The following ZNF98 variants were observed in gnomAD, a reference collection of about 807,000 sequenced individuals.
ZNF98 encodes zinc finger protein 98.
Under a neutral mutation model 12.8 loss-of-function variants are expected in ZNF98, and 8 were observed. The observed-to-expected ratio is 0.63, with a 90% CI of 0.37 to 1.13. The LOEUF (loss-of-function observed/expected upper bound fraction) is 1.13, where lower values mean the gene tolerates loss of function less well. Ranked by LOEUF, ZNF98 falls within the 50% of genes most tolerant of loss-of-function variation. The probability of loss-of-function intolerance (pLI) is 0.01; values close to 1 mark genes in which losing one functional copy is unlikely to be tolerated. For synonymous variants in ZNF98, 112 were observed against 223.5 expected (o/e 0.50, Z 4.45); for missense variants, 379 against 666.1 (o/e 0.57, Z 4.74).
chr19:22,400,431 C>T (rs1459978356), intron 3 of ZNF98, among the ~76,000 whole-genome samples: 1 of 151,948 alleles, frequency 6.6e-6, no homozygotes, highest in Non-Finnish European at 1.5e-5. Flanking sequence ...TCTGCCCTAG[C>T]GTCTGCCCTA....
At chr19:22,411,938 G>A (rs1330875801) in intron 1 of ZNF98, among the ~76,000 whole-genome samples, 1 of 149,676 alleles carries the variant, frequency 6.7e-6, no homozygotes, top group Non-Finnish European at 1.5e-5. Flanking sequence ...AGTTGTTAGA[G>A]ACCGATGAAG....
At chr19:22,394,951 C>G (rs940023426) in intron 3 of ZNF98, among the ~76,000 whole-genome samples, 2 of 151,940 alleles carry the variant, frequency 1.3e-5, no homozygotes, top group African/African-American at 4.8e-5. Flanking sequence ...GTGGGAGGAT[C>G]AACTGAGGTC....
At chr19:22,399,631 A>C (rs1488392066) in intron 3 of ZNF98, among the ~76,000 whole-genome samples, 1 of 152,148 alleles carries the variant, frequency 6.6e-6, no homozygotes, top group East Asian at 1.9e-4. Flanking sequence ...TAATTATCTA[A>C]TTCACCTCAG....
chr19:22,402,895 A>C lies in ZNF98; in HGVS notation c.158-11T>G. The C allele has an allele frequency of 6.5e-7, 1 of 1,545,954 alleles. No homozygotes were observed. The highest frequency in any genetic ancestry group is 2.3e-5 in the East Asian group (1 of 43,484). Reference sequence around the variant, plus strand: ...TAGAGGCAGCAATACCTGTTTTATTACAAATAACATGAATCTTGCTCATAT... The same window carrying C: ...TAGAGGCAGCAATACCTGTTTTATTCCAAATAACATGAATCTTGCTCATAT... On this transcript the variant is annotated splice_polypyrimidine_tract_variant and intron_variant, in intron 2 of 3. Transcript: ENST00000357774.
At chr19:22,417,722 G>T (rs1433428129) in intron 1 of ZNF98, among the ~76,000 whole-genome samples, 1 of 152,100 alleles carries the variant, frequency 6.6e-6, no homozygotes, top group Non-Finnish European at 1.5e-5. Flanking sequence ...GTAGGTTTTT[G>T]CCAGGAAACA....
chr19:22,398,489 C>A (rs1969421621), intron 3 of ZNF98, among the ~76,000 whole-genome samples: 1 of 151,242 alleles, frequency 6.6e-6, no homozygotes, highest in African/African-American at 2.4e-5. Flanking sequence ...CCTCAATCTC[C>A]CAAGTAGACA....
intron 1 of ZNF98, among the ~76,000 whole-genome samples, chr19:22,419,521 G>T (rs1278858690): frequency 1.3e-5 from 2 of 152,128 alleles, no homozygotes; most frequent in Non-Finnish European, 2.9e-5. Context: ...CTCATGCTTT[G>T]ATTTCCATTG....
In ZNF98 at chr19:22,392,499, C is replaced by CT. The variant is rs1969340458; in HGVS notation, c.735dup (p.Ala246SerfsTer3). The CT allele has an allele frequency of 6.5e-7, 1 of 1,538,028 alleles. No individual in the cohort carries two copies. The highest frequency in any genetic ancestry group is 2.4e-5 in the East Asian group (1 of 42,066). On this transcript the variant is annotated frameshift_variant, in exon 4 of 4. Transcript: ENST00000357774. LOFTEE classifies it low-confidence loss of function (END_TRUNC). ...GTAAGGTGTGAGAGCCGGTTAAAGG[C>CT]TTTTCCACACTCTTCGCATTTGTAG...
chr19:22,391,340 T>C lies in ZNF98; in HGVS notation c.*176A>G. Reference sequence around the variant, plus strand: ...ATATTAATCACTTTTTTACTTTCTTTATATTTGTACATTTGTTCTCATCAA... The same window carrying C: ...ATATTAATCACTTTTTTACTTTCTTCATATTTGTACATTTGTTCTCATCAA... On this transcript the variant is annotated 3_prime_UTR_variant, in exon 4 of 4. Transcript: ENST00000357774. 1 of 1,326,282 alleles carries C rather than the reference T, an allele frequency of 7.5e-7. No homozygotes were observed. Among genetic ancestry groups the C allele is most frequent in the Non-Finnish European group, 1.0e-6 (1 of 991,718 alleles). The allele number at this position is 1,326,282 out of a possible 1,614,324, so 82.2% of individuals were successfully genotyped here. A position where few individuals can be genotyped will look rare whatever the true frequency, so the allele number is the denominator to read the frequency against.
chr19:22,403,822 G>T (rs1244759725), intron 1 of ZNF98, among the ~76,000 whole-genome samples: 1 of 152,268 alleles, frequency 6.6e-6, no homozygotes, highest in Non-Finnish European at 1.5e-5. Context: ...TACAGAATAA[G>T]TTGTGTAAAT....
chr19:22,417,794 G>A (rs1969661808), intron 1 of ZNF98, among the ~76,000 whole-genome samples: 1 of 152,120 alleles, frequency 6.6e-6, no homozygotes, highest in Non-Finnish European at 1.5e-5. Flanking sequence ...GGAGAGGTCT[G>A]GACACATTAA....
At position 22,392,824 on chromosome 19, in the gene ZNF98, T is replaced by C. The variant is rs750573794; in HGVS notation, c.411A>G (p.Glu137=). The C allele has an allele frequency of 1.9e-6, 3 of 1,612,580 alleles. No homozygotes were observed. Among genetic ancestry groups the C allele is most frequent in the Non-Finnish European group, 2.5e-6 (3 of 1,179,510 alleles). ...KSMDECKVHK[E]CYNGLNQCLT... ...AACACTGGTTAAGTCCATTGTAACA[T>C]TCTTTGTGCACCTTACACTCATCCA... Residue 137 remains glutamate, a synonymous_variant, in exon 4 of 4, where the codon GAA becomes GAG. Transcript: ENST00000357774.
chr19:22,394,387 G>A (rs962910053), intron 3 of ZNF98, among the ~76,000 whole-genome samples: 13 of 152,068 alleles, frequency 8.5e-5, no homozygotes, highest in Admixed American at 5.2e-4. Context: ...ACATGCACAC[G>A]TACATTTATT....
chr19:22,391,762 T>C lies in ZNF98; in HGVS notation c.1473A>G (p.Lys491=), dbSNP rs373410903. The C allele has an allele frequency of 1.2e-5, 19 of 1,602,510 alleles. No individual in the cohort carries two copies. The African/African-American group carries it at 2.5e-4, about 21-fold the overall frequency. ...KVIHTGEKPY[K]CEECGKAFNQ... ...TAAAAGCTTTGCCACATTCTTCACA[T>C]TTGTAGGGCTTCTCTCCAGTATGAA... Residue 491 remains lysine (K), a synonymous_variant, in exon 4 of 4, where the codon AAA becomes AAG. Transcript: ENST00000357774.
chr19:22,395,322 T>C (rs1245119037), intron 3 of ZNF98, among the ~76,000 whole-genome samples: 2 of 151,838 alleles, frequency 1.3e-5, no homozygotes, highest in Non-Finnish European at 2.9e-5. Context: ...TTTCAGACTA[T>C]GTCAGAAAAA....
rs1472893853 is a variant in ZNF98, at chr19:22,391,878, T to C, written c.1357A>G (p.Lys453Glu). 1 of 1,424,146 alleles carries C rather than the reference T, an allele frequency of 7.0e-7. No homozygotes were observed. The highest frequency in any genetic ancestry group is 9.5e-7 in the Non-Finnish European group (1 of 1,049,388). The allele number at this position is 1,424,146 out of a possible 1,614,324, so 88.2% of individuals were successfully genotyped here. A position where few individuals can be genotyped will look rare whatever the true frequency, so the allele number is the denominator to read the frequency against. ...GGTTTCTCTCCAGTATGAATTATCTTATGTGTAGTAAGTTGTGATGATAGG... is the reference window on the plus strand; with the variant it reads ...GGTTTCTCTCCAGTATGAATTATCTCATGTGTAGTAAGTTGTGATGATAGG... ...FNLSSQLTTH[K>E]IIHTGEKPYK... Residue 453 changes from lysine to glutamate, a missense_variant, in exon 4 of 4, where the codon AAG becomes GAG. Lys to Glu is a moderately conservative substitution (Grantham distance 56). This residue lies in a region of ZNF98 where 19 missense variants were observed against 119.7 expected (regional missense o/e 0.16). Transcript: ENST00000357774.
At chr19:22,422,013 T>C (rs113436368) in intron 1 of ZNF98, among the ~76,000 whole-genome samples, 182 bp downstream of exon 1, 5 of 152,180 alleles carry the variant, frequency 3.3e-5, no homozygotes, top group African/African-American at 1.2e-4. Context: ...GCCCGGAGCC[T>C]GGCTGTCAGC....
At chr19:22,394,601 C>T (rs1271984016) in intron 3 of ZNF98, among the ~76,000 whole-genome samples, 1 of 151,940 alleles carries the variant, frequency 6.6e-6, no homozygotes, top group African/African-American at 2.4e-5. Flanking sequence ...AAACCAAACA[C>T]CGCATGTTCT....
intron 3 of ZNF98, among the ~76,000 whole-genome samples, chr19:22,399,888 C>T (rs1002451022): frequency 8.5e-5 from 13 of 152,256 alleles, no homozygotes; most frequent in African/African-American, 2.6e-4. Flanking sequence ...TAGGACAGAA[C>T]TTCAAGATCA....
Sources: allele counts gnomAD v4.1 joint callset (sites outside exome capture counted in the v4.1 genomes callset), GRCh38; gene constraint gnomAD v4.1.1; regional missense constraint gnomAD v4.1.1; transcripts MANE v1.5; gene names NCBI Gene and HGNC (gene_info 2026-07-23, HGNC 2026-07-21).